The following EZR variants were observed in gnomAD, a reference collection of about 807,000 sequenced individuals.
EZR encodes the protein ezrin, also known as cytovillin 2.
A neutral mutation model predicts 74.8 loss-of-function variants in EZR; 40 were observed. The observed-to-expected ratio is 0.53, with a 90% CI of 0.42 to 0.70. The LOEUF (loss-of-function observed/expected upper bound fraction) is 0.70. Ranked by LOEUF, EZR falls within the 30% of genes least tolerant of loss-of-function variation. EZR has a pLI of 0.00. For missense variants in EZR, 678 were observed against 755.8 expected (o/e 0.90, Z 1.21); for synonymous variants, 341 against 283.3 (o/e 1.20, Z -2.05).
intron 9 of EZR, 130 bp downstream of exon 9, chr6:158,771,114 C>T: frequency 7.1e-7 from 1 of 1,398,748 alleles, no homozygotes; most frequent in Non-Finnish European, 9.6e-7. Flanking sequence ...CTCGAAGATC[C>T]CAGCGTGGTG....
intron 2 of EZR, among the ~76,000 whole-genome samples, chr6:158,808,568 T>C (rs1388879284): frequency 6.6e-6 from 1 of 152,220 alleles, no homozygotes; most frequent in Non-Finnish European, 1.5e-5. Flanking sequence ...TTTTATCAGG[T>C]ACAAGTGGAA....
chr6:158,767,019 G>T lies in EZR; in HGVS notation c.1656C>A (p.Ile552=). 6.2e-7 allele frequency: 1 copy of T among 1,614,192 alleles called. No individual in the cohort carries two copies. Among genetic ancestry groups the T allele is most frequent in the Middle Eastern group, 1.6e-4 (1 of 6,062 alleles). The part of the protein sequence containing the change: ...RDENKRTHND[I]IHNENMRQGR... Reference sequence around the variant, plus strand: ...CTTGCCTCATGTTCTCGTTGTGGATGATGTCATTGTGGGTCCTCTTATTCT... The same window carrying T: ...CTTGCCTCATGTTCTCGTTGTGGATTATGTCATTGTGGGTCCTCTTATTCT... The change falls in exon 14 of 14, where the codon ATC becomes ATA. Residue 552 remains isoleucine, a synonymous_variant. Coordinates refer to ENST00000367075, the MANE Select transcript of EZR (RefSeq NM_001111077.2).
rs1790852703 is a variant in EZR at position 158,766,510 on chromosome 6, ATTTGAGCTCAT to A, written c.*393_*403del. 1 of 165,044 alleles carries A rather than the reference ATTTGAGCTCAT, an allele frequency of 6.1e-6. No individual in the cohort carries two copies. The highest frequency in any genetic ancestry group is 1.3e-5 in the Non-Finnish European group (1 of 76,736). 10.2% of individuals were successfully genotyped at this position (165,044 alleles called of 1,614,324 possible). A position where few individuals can be genotyped will look rare whatever the true frequency, so the allele number is the denominator to read the frequency against. On this transcript the variant is annotated 3_prime_UTR_variant, in exon 14 of 14. Coordinates refer to ENST00000367075, the MANE Select transcript of EZR (RefSeq NM_001111077.2). ...ATCCTTCATAGAAATTAAAAAATCA[ATTTGAGCTCAT>A]TTCGAATACAGAACAAGTATGGCAC... is the stretch of plus-strand genomic sequence containing the variant.
At chr6:158,781,198 C>T (rs1211582113) in intron 7 of EZR, among the ~76,000 whole-genome samples, 1 of 152,144 alleles carries the variant, frequency 6.6e-6, no homozygotes, top group Non-Finnish European at 1.5e-5. Flanking sequence ...CCTGCTTATG[C>T]TGCTACCAAG....
rs778446048 is a variant in EZR, at chr6:158,767,559, T to C, written c.1345-47A>G. 105 of 1,531,300 alleles carry C rather than the reference T, an allele frequency of 6.9e-5. 1 individual carries two copies. The highest frequency in any genetic ancestry group is 8.6e-5 in the Non-Finnish European group (98 of 1,140,734). 94.9% of individuals were successfully genotyped at this position (1,531,300 alleles called of 1,614,324 possible). Reference sequence around the variant, plus strand: ...GAGGACTTCTCACCCAGAAGTCCTATCCTCCTGGCTATGAGAACAGACTGT... The same window carrying C: ...GAGGACTTCTCACCCAGAAGTCCTACCCTCCTGGCTATGAGAACAGACTGT... On this transcript the variant is annotated intron_variant, in intron 12 of 13. Transcript: ENST00000367075.
chr6:158,767,670 G>A (rs1446410019), intron 12 of EZR, among the ~76,000 whole-genome samples, 158 bp from the exon 13 acceptor site: 1 of 152,168 alleles, frequency 6.6e-6, no homozygotes, highest in Non-Finnish European at 1.5e-5. Flanking sequence ...GGGTGCATGG[G>A]GGGTTTACAA....
chr6:158,818,030 C>G (rs1777598879), intron 2 of EZR, 52 bp downstream of exon 2: 1 of 1,587,156 alleles, frequency 6.3e-7, no homozygotes, highest in Non-Finnish European at 8.6e-7. Context: ...GGTGCCTCCC[C>G]TCTCCAATGA....
intron 4 of EZR, among the ~76,000 whole-genome samples, 158 bp from the exon 5 acceptor site, chr6:158,785,741 GGTTA>G (rs1791563265): frequency 6.6e-6 from 1 of 152,192 alleles, no homozygotes; most frequent in Non-Finnish European, 1.5e-5. Flanking sequence ...GACAAAAAAA[GGTTA>G]GTCAAAAGTG....
chr6:158,804,497 A>G (rs1777286047), intron 2 of EZR, among the ~76,000 whole-genome samples: 1 of 152,210 alleles, frequency 6.6e-6, no homozygotes, highest in Non-Finnish European at 1.5e-5. Flanking sequence ...ATACTTCATC[A>G]CCAACATGCT....
At chr6:158,805,749 A>G (rs1314470767) in intron 2 of EZR, among the ~76,000 whole-genome samples, 2 of 152,240 alleles carry the variant, frequency 1.3e-5, no homozygotes, top group Non-Finnish European at 2.9e-5. Flanking sequence ...AGTATGTTAC[A>G]TCTGAAATGG....
At chr6:158,794,075 G>A (rs184108373) in intron 2 of EZR, among the ~76,000 whole-genome samples, 6 of 152,292 alleles carry the variant, frequency 3.9e-5, no homozygotes, top group South Asian at 4.1e-4. Flanking sequence ...TCAGGCGTTC[G>A]AGACCGGCCT....
At position 158,766,793 on chromosome 6, in the gene EZR, G is replaced by T; in HGVS notation, c.*121C>A. 1 of 1,032,138 alleles carries T rather than the reference G, an allele frequency of 9.7e-7. No homozygotes were observed. The highest frequency in any genetic ancestry group is 1.4e-6 in the Non-Finnish European group (1 of 698,448). The allele number at this position is 1,032,138 out of a possible 1,614,324, so 63.9% of individuals were successfully genotyped here. A position where few individuals can be genotyped will look rare whatever the true frequency, so the allele number is the denominator to read the frequency against. On this transcript the variant is annotated 3_prime_UTR_variant, in exon 14 of 14. Coordinates refer to ENST00000367075, the MANE Select transcript of EZR (RefSeq NM_001111077.2). The stretch of plus-strand genomic sequence containing the variant: ...CCCAGAATGTTTCTGTTGGGTAACT[G>T]CTTTCTAAAGGAACTGGGATCTGAG...
At chr6:158,788,650 G>GAAA (rs35455909) in intron 3 of EZR, among the ~76,000 whole-genome samples, 3 of 126,724 alleles carry the variant, frequency 2.4e-5, no homozygotes, top group African/African-American at 9.0e-5. Flanking sequence ...CAGTCTCAAA[G>GAAA]AAAAAAAAAA....
At chr6:158,818,679 G>A (rs1478088678) in intron 1 of EZR, among the ~76,000 whole-genome samples, 1 of 151,682 alleles carries the variant, frequency 6.6e-6, no homozygotes, top group Non-Finnish European at 1.5e-5. Context: ...GAGGGGGCGC[G>A]GGCCCAGGGA....
rs571211420 is a variant in EZR, at chr6:158,782,239, G to A, written c.698+1281C>T. ...GAGGAGGTTGGGCACAGCTGGCACAGGTCCCTGACTTGCCCAAGTGAAATA... is the reference window on the plus strand; with the variant it reads ...GAGGAGGTTGGGCACAGCTGGCACAAGTCCCTGACTTGCCCAAGTGAAATA... On this transcript the variant is annotated intron_variant, in intron 7 of 13. Transcript: ENST00000367075. Among the ~76,000 whole-genome samples, 69 of 152,318 alleles carry A rather than the reference G, an allele frequency of 4.5e-4. 2 individuals are homozygous for A. The South Asian group carries it at 0.014, about 31-fold the overall frequency.
chr6:158,797,907 C>T (rs1165446234), intron 2 of EZR, among the ~76,000 whole-genome samples: 2 of 152,192 alleles, frequency 1.3e-5, no homozygotes, highest in Non-Finnish European at 1.5e-5. Context: ...AGTTATGCAA[C>T]TGACACTGCT....
chr6:158,808,363 T>C (rs1325327862), intron 2 of EZR, among the ~76,000 whole-genome samples: 1 of 152,194 alleles, frequency 6.6e-6, no homozygotes, highest in African/African-American at 2.4e-5. Context: ...GACTGTCCCA[T>C]ATGTAAATTT....
At chr6:158,773,648 C>A (rs1791185572) in intron 8 of EZR, among the ~76,000 whole-genome samples, 1 of 152,232 alleles carries the variant, frequency 6.6e-6, no homozygotes, top group Admixed American at 6.5e-5. Context: ...AGGAAACTCT[C>A]CCACAAGAGG....
intron 2 of EZR, among the ~76,000 whole-genome samples, chr6:158,791,726 T>TTTTTTTA (rs1791754014): frequency 6.8e-6 from 1 of 147,114 alleles, no homozygotes; most frequent in African/African-American, 2.5e-5. Flanking sequence ...TTTTTTTTTT[T>TTTTTTTA]GAGACAGAGT....
Sources: allele counts gnomAD v4.1 joint callset (sites outside exome capture counted in the v4.1 genomes callset), GRCh38; gene constraint gnomAD v4.1.1; transcripts MANE v1.5; gene names NCBI Gene and HGNC (gene_info 2026-07-23, HGNC 2026-07-21).